Variants in BANK1 observed in about 807,000 individuals in gnomAD.
The protein encoded by BANK1 is B cell scaffold protein with ankyrin repeats 1, also known as B-cell scaffold protein with ankyrin repeats.
A neutral mutation model predicts 94.5 loss-of-function variants in BANK1; 95 were observed. The observed-to-expected ratio is 1.00, with a 90% CI of 0.85 to 1.19. The LOEUF (loss-of-function observed/expected upper bound fraction) is 1.19. Ranked by LOEUF, BANK1 falls within the 50% of genes most tolerant of loss-of-function variation. The pLI, the probability that BANK1 is intolerant of heterozygous loss-of-function variation, is 0.00. For missense variants in BANK1, 987 were observed against 932.2 expected, an observed-to-expected ratio of 1.06 and a Z score of -0.77; for synonymous variants, 334 against 308.4, an observed-to-expected ratio of 1.08 and a Z score of -0.87.
intron 7 of BANK1, among the ~76,000 whole-genome samples, chr4:101,969,589 GTA>G (rs1491502336): frequency 1.3e-5 from 2 of 151,344 alleles, no homozygotes; most frequent in African/African-American, 4.9e-5. Flanking sequence ...AAGTTTCTTT[GTA>G]AAAAAAAAAG....
At chr4:102,029,555 A>G (rs1156643788) in intron 9 of BANK1, among the ~76,000 whole-genome samples, 3 of 148,170 alleles carry the variant, frequency 2.0e-5, no homozygotes, top group Non-Finnish European at 4.5e-5. Flanking sequence ...TATATTTAAT[A>G]CATATAATTA....
intron 10 of BANK1, among the ~76,000 whole-genome samples, chr4:102,030,901 C>G (rs755379345): frequency 4.6e-5 from 7 of 152,114 alleles, no homozygotes; most frequent in Non-Finnish European, 1.0e-4. Flanking sequence ...AATAAACATA[C>G]ATGTGCATGT....
rs371251287 is a variant in BANK1 at position 101,901,910 on chromosome 4, G to A, written c.1009+6500G>A. On this transcript the variant is annotated intron_variant, in intron 6 of 16. Transcript: ENST00000322953. Reference sequence around the variant, plus strand: ...TGAGTAGCCGGGACTACAGGCGCCCGCCAACACACCTGGCTATTTTTTTGT... The same window carrying A: ...TGAGTAGCCGGGACTACAGGCGCCCACCAACACACCTGGCTATTTTTTTGT... Among the ~76,000 whole-genome samples, 210 of 152,116 alleles carry A rather than the reference G, an allele frequency of 1.4e-3. 3 individuals are homozygous for A. The highest frequency in any genetic ancestry group is 4.2e-4 in the South Asian group (2 of 4,816).
At chr4:101,956,573 T>C (rs1033739124) in intron 7 of BANK1, among the ~76,000 whole-genome samples, 3 of 152,140 alleles carry the variant, frequency 2.0e-5, no homozygotes, top group Non-Finnish European at 4.4e-5. Flanking sequence ...AGATCTAGAA[T>C]GTAGCACTTG....
intron 7 of BANK1, among the ~76,000 whole-genome samples, chr4:101,985,594 T>C (rs1183182502): frequency 6.6e-6 from 1 of 152,128 alleles, no homozygotes; most frequent in African/African-American, 2.4e-5. Flanking sequence ...GCTAATGTTA[T>C]TATTTAATTG....
intron 2 of BANK1, among the ~76,000 whole-genome samples, chr4:101,840,892 C>T (rs1478939551): frequency 3.3e-5 from 5 of 152,146 alleles, no homozygotes; most frequent in African/African-American, 9.7e-5. Context: ...TGCAGTGGTG[C>T]GATCTCAGCT....
In BANK1 at chr4:102,072,484, A is replaced by G. The variant is rs748003838; in HGVS notation, c.2298+84A>G. 7.1e-5 allele frequency: 74 copies of G among 1,039,536 alleles called. 1 individual carries two copies. Among genetic ancestry groups the G allele is most frequent in the Non-Finnish European group, 9.7e-5 (67 of 688,776 alleles). 64.4% of individuals were successfully genotyped at this position (1,039,536 alleles called of 1,614,324 possible). A position where few individuals can be genotyped will look rare whatever the true frequency, so the allele number is the denominator to read the frequency against. On this transcript the variant is annotated intron_variant, in intron 15 of 16. Transcript: ENST00000322953. The stretch of plus-strand genomic sequence containing the variant: ...AACATGAGAGCCTTCTATCCTGTCT[A>G]TGCTTTTAGACATTCTAACAGATAT...
At chr4:101,824,372 G>T (rs1372128084) in intron 1 of BANK1, among the ~76,000 whole-genome samples, 1 of 152,218 alleles carries the variant, frequency 6.6e-6, no homozygotes, top group Non-Finnish European at 1.5e-5. Context: ...CCACTACACA[G>T]ATATATACAG....
intron 1 of BANK1, among the ~76,000 whole-genome samples, chr4:101,810,583 A>G (rs533776924): frequency 1.3e-5 from 2 of 152,218 alleles, no homozygotes; most frequent in Non-Finnish European, 2.9e-5. Context: ...AACATCTTTC[A>G]GGAATTCACT....
Position 102,061,007 on chromosome 4 carries a change from C to T in BANK1, c.2148+618C>T, listed in dbSNP as rs17031990. 6.9e-3 allele frequency among the ~76,000 whole-genome samples: 1,052 copies of T among 152,240 alleles called. 19 individuals carry two copies. The highest frequency in any genetic ancestry group is 0.052 in the East Asian group (267 of 5,176). On this transcript the variant is annotated intron_variant, in intron 12 of 16. Transcript: ENST00000322953. ...TGATATTCCTTAGTGAGAGATAACA[C>T]GGTCATATTCCCATATTCCATCTTT...
At chr4:101,941,636 A>G (rs1319696944) in intron 7 of BANK1, among the ~76,000 whole-genome samples, 4 of 151,770 alleles carry the variant, frequency 2.6e-5, no homozygotes, top group Non-Finnish European at 2.9e-5. Flanking sequence ...TCAGAGGTAT[A>G]GGTGGCCCTA....
At chr4:102,028,398 T>C (rs1041173151) in intron 9 of BANK1, among the ~76,000 whole-genome samples, 1 of 152,204 alleles carries the variant, frequency 6.6e-6, no homozygotes, top group Admixed American at 6.5e-5. Flanking sequence ...ACTTCTTAAG[T>C]TAAACTAAAT....
chr4:101,932,260 A>G (rs1366659716), intron 7 of BANK1, among the ~76,000 whole-genome samples: 1 of 151,480 alleles, frequency 6.6e-6, no homozygotes, highest in African/African-American at 2.4e-5. Context: ...CTAGAATTCA[A>G]CTGTTTCCTG....
At chr4:101,944,623 G>A (rs1289137968) in intron 7 of BANK1, among the ~76,000 whole-genome samples, 1 of 151,936 alleles carries the variant, frequency 6.6e-6, no homozygotes, top group Non-Finnish European at 1.5e-5. Context: ...GAGTGACCAG[G>A]AAAATCTTTC....
At chr4:102,036,896 A>C (rs879871756) in intron 10 of BANK1, 1 of 152,198 alleles carries the variant, frequency 6.6e-6, no homozygotes. Context: ...CCAAGAATTC[A>C]ATTCCTTTAT....
intron 7 of BANK1, among the ~76,000 whole-genome samples, chr4:101,938,893 C>G (rs1723656628): frequency 6.6e-6 from 1 of 151,698 alleles, no homozygotes; most frequent in Admixed American, 6.6e-5. Flanking sequence ...CTCTCCCTAT[C>G]TCAGGCAATA....
intron 13 of BANK1, among the ~76,000 whole-genome samples, chr4:102,063,709 C>G (rs1728498257): frequency 6.6e-6 from 1 of 151,452 alleles, no homozygotes; most frequent in South Asian, 2.1e-4. Flanking sequence ...GTAATCCCAG[C>G]TACTCGGGAT....
chr4:101,895,240 C>A, intron 5 of BANK1, 65 bp from the exon 6 acceptor site: 1 of 863,584 alleles, frequency 1.2e-6, no homozygotes, highest in Non-Finnish European at 1.8e-6. Flanking sequence ...TGTTAAATTG[C>A]ACTAAAATGA....
chr4:102,006,295 T>C (rs1001626054), intron 7 of BANK1, among the ~76,000 whole-genome samples: 16 of 152,026 alleles, frequency 1.1e-4, no homozygotes, highest in African/African-American at 3.9e-4. Flanking sequence ...TTCTCCCTCA[T>C]GGATGCACAG....
Sources: gnomAD v4.1 joint callset for allele counts (sites outside exome capture counted in the v4.1 genomes callset) on GRCh38, gnomAD v4.1.1 for gene constraint, MANE v1.5 for transcripts, NCBI Gene and HGNC (gene_info 2026-07-23, HGNC 2026-07-21) for gene names.